The following GRM5 variants were observed in gnomAD, a reference collection of about 807,000 sequenced individuals.
The protein encoded by GRM5 is metabotropic glutamate receptor 5.
GRM5 carries 19 observed loss-of-function variants against 83.1 expected under a neutral mutation model. The ratio of observed to expected loss-of-function variants is 0.23; its 90% CI spans 0.16 to 0.34. GRM5 has a LOEUF of 0.34. Among genes scored for constraint, GRM5 ranks in the 10% least tolerant of loss-of-function variants. GRM5 has a pLI of 1.00. For synonymous variants in GRM5, 675 were observed against 633.6 expected (o/e 1.07, Z -0.98); for missense variants, 1,160 against 1,588.3 (o/e 0.73, Z 4.58).
At chr11:88,831,618 C>T (rs1277864701) in intron 3 of GRM5, among the ~76,000 whole-genome samples, 4 of 152,178 alleles carry the variant, frequency 2.6e-5, no homozygotes, top group African/African-American at 4.8e-5. Context: ...GTTTGGCAAT[C>T]GCTCTGCCCC....
chr11:89,032,047 A>G (rs1565343566), intron 2 of GRM5, among the ~76,000 whole-genome samples: 1 of 152,080 alleles, frequency 6.6e-6, no homozygotes, highest in African/African-American at 2.4e-5. Flanking sequence ...AATACTATTA[A>G]TTTAATTTGC....
chr11:88,681,189 T>C (rs561961638), intron 3 of GRM5, among the ~76,000 whole-genome samples: 1 of 152,262 alleles, frequency 6.6e-6, no homozygotes, highest in African/African-American at 2.4e-5. Flanking sequence ...TCAAAATCTT[T>C]TTTTAAAAAG....
intron 3 of GRM5, among the ~76,000 whole-genome samples, chr11:88,704,257 C>A (rs1941102381): frequency 6.6e-6 from 1 of 152,004 alleles, no homozygotes; most frequent in Non-Finnish European, 1.5e-5. Context: ...TTGAGGGAAA[C>A]AGAAACAATA....
chr11:88,519,732 G>A (rs780439462), intron 9 of GRM5, among the ~76,000 whole-genome samples: 1 of 152,098 alleles, frequency 6.6e-6, no homozygotes, highest in Non-Finnish European at 1.5e-5. Context: ...AAACAACCAT[G>A]GTGGCAGGGT....
intron 3 of GRM5, among the ~76,000 whole-genome samples, chr11:88,798,453 A>G (rs10501685): frequency 0.081 from 12,319 of 152,114 alleles, 889 homozygotes; most frequent in African/African-American, 0.2. Flanking sequence ...ATGGGACTTT[A>G]TAATACATCA....
intron 1 of GRM5, among the ~76,000 whole-genome samples, chr11:89,048,295 T>G (rs1160605004): frequency 6.6e-6 from 1 of 152,232 alleles, no homozygotes; most frequent in Non-Finnish European, 1.5e-5. Flanking sequence ...ATAGTCTTTT[T>G]TTGTTCACCT....
chr11:88,629,552 G>C lies in GRM5; in HGVS notation c.1147+23616C>G, dbSNP rs140761632. 8.5e-4 allele frequency among the ~76,000 whole-genome samples: 129 copies of C among 152,168 alleles called. No individual in the cohort carries two copies. The Middle Eastern group carries it at 0.014, about 16-fold the overall frequency. On this transcript the variant is annotated intron_variant, in intron 4 of 9. Coordinates refer to ENST00000305447, the MANE Select transcript of GRM5 (RefSeq NM_001143831.3). The stretch of plus-strand genomic sequence containing the variant: ...ACGGACAAATAGAAAACCTCTTCAT[G>C]ATGGACTCTTCTACTCCAGCTCCAC...
chr11:88,879,931 A>G (rs983829991), intron 2 of GRM5, among the ~76,000 whole-genome samples: 1 of 152,078 alleles, frequency 6.6e-6, no homozygotes, highest in African/African-American at 2.4e-5. Context: ...AAAACTAAAC[A>G]CTAGCCTTAT....
At chr11:88,906,625 C>T (rs1221438668) in intron 2 of GRM5, among the ~76,000 whole-genome samples, 1 of 152,140 alleles carries the variant, frequency 6.6e-6, no homozygotes, top group East Asian at 1.9e-4. Flanking sequence ...ATAGGAAATT[C>T]TCTGTGTCAG....
intron 2 of GRM5, among the ~76,000 whole-genome samples, chr11:88,860,212 A>AT (rs1944538898): frequency 6.6e-6 from 1 of 152,068 alleles, no homozygotes; most frequent in South Asian, 2.1e-4. Context: ...AGTCTTCCTC[A>AT]TTTTTTTCCT....
intron 2 of GRM5, among the ~76,000 whole-genome samples, chr11:88,873,829 C>T (rs190846787): frequency 2.6e-5 from 4 of 151,274 alleles, no homozygotes; most frequent in Admixed American, 2.6e-4. Context: ...CAAAATAAAC[C>T]CCAAACTAGT....
chr11:88,688,378 A>G (rs1392711480), intron 3 of GRM5, among the ~76,000 whole-genome samples: 1 of 152,214 alleles, frequency 6.6e-6, no homozygotes, highest in Non-Finnish European at 1.5e-5. Flanking sequence ...CAACTATAAT[A>G]AGTGCAAATG....
chr11:88,867,184 T>C (rs1944685277), intron 2 of GRM5, among the ~76,000 whole-genome samples: 1 of 152,038 alleles, frequency 6.6e-6, no homozygotes, highest in Non-Finnish European at 1.5e-5. Context: ...GTCTTGGCCC[T>C]ACAGGCTCTT....
intron 3 of GRM5, among the ~76,000 whole-genome samples, chr11:88,742,285 C>T (rs1026222309): frequency 6.6e-6 from 1 of 151,670 alleles, no homozygotes; most frequent in Non-Finnish European, 1.5e-5. Context: ...ATTTGCTCCT[C>T]AAAACAATTT....
intron 2 of GRM5, among the ~76,000 whole-genome samples, chr11:88,966,996 T>C (rs1938995583): frequency 6.6e-6 from 1 of 151,990 alleles, no homozygotes; most frequent in South Asian, 2.1e-4. Context: ...CCAAGAGAAA[T>C]GCAAAATGTA....
chr11:88,996,946 T>C (rs1199490073), intron 2 of GRM5, among the ~76,000 whole-genome samples: 1 of 152,168 alleles, frequency 6.6e-6, no homozygotes, highest in African/African-American at 2.4e-5. Flanking sequence ...ATCATTGAAC[T>C]AAGTTGACAA....
rs1288384872 is a variant in GRM5 at position 88,505,342 on chromosome 11, C to CT, written c.*3249dup. 1.3e-5 allele frequency: 2 copies of CT among 152,148 alleles called. No homozygotes were observed. The highest frequency in any genetic ancestry group is 2.9e-5 in the Non-Finnish European group (2 of 68,000). 9.4% of individuals were successfully genotyped at this position (152,148 alleles called of 1,614,324 possible). On this transcript the variant is annotated 3_prime_UTR_variant, in exon 10 of 10. Transcript: ENST00000305447. ...GGAAATGCTTTTGTTTTTTGTTATTCTTAAAAAGAGCATTTAATTCCTGGC... is the reference window on the plus strand; with the variant it reads ...GGAAATGCTTTTGTTTTTTGTTATTCTTTAAAAAGAGCATTTAATTCCTGGC...
intron 4 of GRM5, among the ~76,000 whole-genome samples, chr11:88,623,634 A>G (rs1938706311): frequency 6.6e-6 from 1 of 152,238 alleles, no homozygotes; most frequent in African/African-American, 2.4e-5. Context: ...AGCAATGGGA[A>G]TGTAACCCAG....
At chr11:88,785,381 A>G (rs1330677304) in intron 3 of GRM5, among the ~76,000 whole-genome samples, 1 of 152,114 alleles carries the variant, frequency 6.6e-6, no homozygotes, top group Non-Finnish European at 1.5e-5. Context: ...GTTTTAAAGA[A>G]GAAAGGCTAG....
Sources: gnomAD v4.1 joint callset for allele counts (sites outside exome capture counted in the v4.1 genomes callset) on GRCh38, gnomAD v4.1.1 for gene constraint, MANE v1.5 for transcripts, NCBI Gene and HGNC (gene_info 2026-07-23, HGNC 2026-07-21) for gene names.